LOC128706666: variants seen among roughly 807,000 people sequenced by gnomAD.
At chr20:10,433,465 C>A in the LOC128706666 span, among the ~76,000 whole-genome samples, 6 of 152,136 alleles carry the variant, frequency 3.9e-5, no homozygotes, top group Non-Finnish European at 8.8e-5. Context: ...GCTGTAGACA[C>A]GTGTATATCT....
the LOC128706666 span, among the ~76,000 whole-genome samples, chr20:10,419,519 A>T: frequency 6.6e-6 from 1 of 152,180 alleles, no homozygotes; most frequent in East Asian, 1.9e-4. Flanking sequence ...TTCCAAGACC[A>T]CCCAGTGGAT....
At chr20:10,431,527 AAAACCAAACCAAACC>A in the LOC128706666 span, among the ~76,000 whole-genome samples, 110 of 150,842 alleles carry the variant, frequency 7.3e-4, no homozygotes, top group Middle Eastern at 3.4e-3. Flanking sequence ...ATAGGGTCAA[AAAACCAAACCAAACC>A]AAACCAAACC....
chr20:10,420,339 G>A, the LOC128706666 span, among the ~76,000 whole-genome samples: 1 of 152,188 alleles, frequency 6.6e-6, no homozygotes, highest in Non-Finnish European at 1.5e-5. Context: ...TGCCAGGCAA[G>A]TGTCAAATGT....
chr20:10,432,892 T>C, the LOC128706666 span, among the ~76,000 whole-genome samples: 1 of 151,126 alleles, frequency 6.6e-6, no homozygotes, highest in South Asian at 2.1e-4. Flanking sequence ...TAATACCTAA[T>C]ACAACGTTAA....
At chr20:10,415,453 T>C in the LOC128706666 span, among the ~76,000 whole-genome samples, 21,925 of 152,166 alleles carry the variant, frequency 0.14, 1,778 homozygotes, top group East Asian at 0.24. Flanking sequence ...GCTGTAACCA[T>C]GGCAACTGGG....
the LOC128706666 span, among the ~76,000 whole-genome samples, chr20:10,425,644 T>C: frequency 6.6e-6 from 1 of 152,228 alleles, no homozygotes; most frequent in African/African-American, 2.4e-5. Context: ...ATGGACTGTC[T>C]TGTAGAGATT....
the LOC128706666 span, among the ~76,000 whole-genome samples, chr20:10,428,259 T>C: frequency 6.6e-6 from 1 of 152,214 alleles, no homozygotes; most frequent in East Asian, 1.9e-4. Context: ...CATTTGATGC[T>C]GGTGATTGGT....
At chr20:10,432,772 A>T in the LOC128706666 span, among the ~76,000 whole-genome samples, 1 of 131,508 alleles carries the variant, frequency 7.6e-6, no homozygotes, top group Admixed American at 9.0e-5. Flanking sequence ...CCTGCGCGAC[A>T]GAGCGAGACT....
the LOC128706666 span, among the ~76,000 whole-genome samples, chr20:10,426,410 TC>T: frequency 0.14 from 21,587 of 152,124 alleles, 1,733 homozygotes; most frequent in East Asian, 0.24. Context: ...GGCATGTTGT[TC>T]TTTTTTCTTT....
the LOC128706666 span, among the ~76,000 whole-genome samples, chr20:10,420,275 T>C: frequency 2.0e-5 from 3 of 152,190 alleles, no homozygotes; most frequent in Non-Finnish European, 4.4e-5. Context: ...CACACATTCA[T>C]GATCCTGGTG....
chr20:10,431,115 G>A, the LOC128706666 span, among the ~76,000 whole-genome samples: 1 of 152,116 alleles, frequency 6.6e-6, no homozygotes, highest in Non-Finnish European at 1.5e-5. Flanking sequence ...TCAATACACG[G>A]CAGCCATTAC....
the LOC128706666 span, among the ~76,000 whole-genome samples, chr20:10,429,105 C>T: frequency 6.6e-6 from 1 of 152,220 alleles, no homozygotes; most frequent in Non-Finnish European, 1.5e-5. Flanking sequence ...TACACAATCT[C>T]TTTCCTTTCA....
the LOC128706666 span, among the ~76,000 whole-genome samples, chr20:10,432,635 A>G: frequency 6.6e-6 from 1 of 152,098 alleles, no homozygotes; most frequent in African/African-American, 2.4e-5. Flanking sequence ...TCTACTAAAA[A>G]ATACAAAAAT....
chr20:10,433,800 G>A, the LOC128706666 span, among the ~76,000 whole-genome samples: 1 of 152,158 alleles, frequency 6.6e-6, no homozygotes, highest in African/African-American at 2.4e-5. Context: ...CAGGTTCGGC[G>A]TAGAAGGCGG....
chr20:10,424,331 G>A, the LOC128706666 span, among the ~76,000 whole-genome samples: 1 of 152,004 alleles, frequency 6.6e-6, no homozygotes, highest in African/African-American at 2.4e-5. Context: ...TCAGGCAGGG[G>A]GACTGCTTGA....
At chr20:10,418,227 G>A in the LOC128706666 span, among the ~76,000 whole-genome samples, 3 of 152,290 alleles carry the variant, frequency 2.0e-5, no homozygotes, top group South Asian at 6.2e-4. Flanking sequence ...AAAAACAGAG[G>A]AAAAGATGGA....
the LOC128706666 span, among the ~76,000 whole-genome samples, chr20:10,429,756 C>T: frequency 6.6e-6 from 1 of 152,164 alleles, no homozygotes; most frequent in African/African-American, 2.4e-5. Flanking sequence ...TCCAGACCCT[C>T]GCGCCCTCAC....
the LOC128706666 span, among the ~76,000 whole-genome samples, chr20:10,415,214 T>C: frequency 6.6e-6 from 1 of 152,298 alleles, no homozygotes; most frequent in Non-Finnish European, 1.5e-5. Context: ...TTTAAAGGTA[T>C]ATTATTCGTT....
At chr20:10,421,495 G>A in the LOC128706666 span, among the ~76,000 whole-genome samples, 1 of 151,624 alleles carries the variant, frequency 6.6e-6, no homozygotes, top group Non-Finnish European at 1.5e-5. Flanking sequence ...TATGCAGTAA[G>A]AATTTAGGTT....
Sources: allele counts gnomAD v4.1 joint callset (sites outside exome capture counted in the v4.1 genomes callset), GRCh38; gene constraint gnomAD v4.1.1; transcripts MANE v1.5.